Variants in LGI1 observed in about 807,000 individuals in gnomAD.
The protein encoded by LGI1 is leucine rich glioma inactivated 1, also known as leucine-rich glioma-inactivated protein 1.
In LGI1, 11 loss-of-function variants were observed where a neutral mutation model predicts 57.7. That is an observed-to-expected ratio of 0.19 (90% CI 0.12 to 0.32). LGI1 has a LOEUF of 0.32. Ranked by LOEUF, LGI1 falls within the 10% of genes least tolerant of loss-of-function variation. The probability of loss-of-function intolerance (pLI) is 1.00; values close to 1 mark genes in which losing one functional copy is unlikely to be tolerated. For synonymous variants in LGI1, 222 were observed against 241.9 expected (o/e 0.92, Z 0.76); for missense variants, 422 against 661.9 (o/e 0.64, Z 3.98).
intron 4 of LGI1, among the ~76,000 whole-genome samples, chr10:93,778,441 T>C (rs926517404): frequency 2.0e-5 from 3 of 151,998 alleles, no homozygotes; most frequent in African/African-American, 7.2e-5. Context: ...ACACACAGAT[T>C]ATTTTAAGGA....
chr10:93,794,080 AC>A (rs1280643053), intron 7 of LGI1: 3 of 129,994 alleles, frequency 2.3e-5, no homozygotes, highest in Non-Finnish European at 4.6e-5. Flanking sequence ...GTGCAGTGGC[AC>A]AATCTCAGCT....
At chr10:93,792,485 C>G (rs938743355) in intron 5 of LGI1, 1 of 512,178 alleles carries the variant, frequency 2.0e-6, no homozygotes, top group Non-Finnish European at 3.5e-6. Context: ...ATTGACAGCA[C>G]AGCCCTAGAC....
At chr10:93,785,660 T>C (rs1003268602) in intron 4 of LGI1, among the ~76,000 whole-genome samples, 1 of 152,200 alleles carries the variant, frequency 6.6e-6, no homozygotes, top group African/African-American at 2.4e-5. Flanking sequence ...ATAATATTAT[T>C]ATATCATTAC....
intron 4 of LGI1, among the ~76,000 whole-genome samples, chr10:93,779,389 GGAAA>G (rs199839820): frequency 0.044 from 5,938 of 134,676 alleles, 444 homozygotes; most frequent in African/African-American, 0.15. Context: ...AAGGAGGGAA[GGAAA>G]GAAAGAAGGA....
chr10:93,760,216 A>T (rs2059608440), intron 2 of LGI1, among the ~76,000 whole-genome samples: 1 of 152,214 alleles, frequency 6.6e-6, no homozygotes, highest in South Asian at 2.1e-4. Flanking sequence ...TTAGCAATTG[A>T]CTAGATATTC....
intron 2 of LGI1, chr10:93,764,616 C>T (rs975434853): frequency 6.6e-6 from 1 of 152,072 alleles, no homozygotes; most frequent in Non-Finnish European, 1.5e-5. Context: ...GGTTCAAATC[C>T]CCACTCTGCT....
chr10:93,778,270 T>G (rs74150345), intron 4 of LGI1, among the ~76,000 whole-genome samples: 5,199 of 151,796 alleles, frequency 0.034, 315 homozygotes, highest in African/African-American at 0.12. Flanking sequence ...CGTGGGCAGG[T>G]TGAGAAACCC....
chr10:93,790,373 T>C, intron 5 of LGI1: 1 of 570,838 alleles, frequency 1.8e-6, no homozygotes, highest in Non-Finnish European at 3.0e-6. Flanking sequence ...GAATTCTGAA[T>C]ACATGGCACC....
At chr10:93,764,418 AT>A (rs2059653543) in intron 2 of LGI1, 1 of 152,048 alleles carries the variant, frequency 6.6e-6, no homozygotes, top group Non-Finnish European at 1.5e-5. Flanking sequence ...AAGCATTCTC[AT>A]TTTGTTCAAA....
rs374811675 is a variant in LGI1 at position 93,792,899 on chromosome 10, T to C, written c.660T>C (p.Asp220=). The change falls in exon 6 of 8, where the codon GAT becomes GAC. Residue 220 remains aspartate, a synonymous_variant. Coordinates refer to ENST00000371418, the MANE Select transcript of LGI1 (RefSeq NM_005097.4). Reference sequence around the variant, plus strand: ...ATAGTCTCTCCTCGAAGGATTTTGATTGCATCATTACAGGTAATGTACTCA... The same window carrying C: ...ATAGTCTCTCCTCGAAGGATTTTGACTGCATCATTACAGGTAATGTACTCA... ...KINSLSSKDF[D]CIITEFAKSQ... is the part of the protein sequence containing the mutation. The C allele has an allele frequency of 9.3e-6, 15 of 1,613,976 alleles. No individual in the cohort carries two copies. Among genetic ancestry groups the C allele is most frequent in the East Asian group, 6.7e-5 (3 of 44,866 alleles).
rs112632796 is a variant in LGI1 at position 93,778,186 on chromosome 10, G to A, written c.431+569G>A. Among the ~76,000 whole-genome samples, 834 of 152,232 alleles carry A rather than the reference G, an allele frequency of 5.5e-3. 9 individuals are homozygous for A. The highest frequency in any genetic ancestry group is 0.019 in the African/African-American group (797 of 41,520). On this transcript the variant is annotated intron_variant, in intron 4 of 7. Coordinates refer to ENST00000371418, the MANE Select transcript of LGI1 (RefSeq NM_005097.4). ...CTGGGGATGTAAATGGCATCTAGTG[G>A]GTGAAAGGCAGGGATTCTTCTACTG...
intron 4 of LGI1, among the ~76,000 whole-genome samples, chr10:93,784,268 G>A (rs1224863540): frequency 6.6e-6 from 1 of 152,092 alleles, no homozygotes. Context: ...TCCATGCCCT[G>A]GAAAAGCCTG....
At chr10:93,795,561 G>A (rs1441801996) in intron 7 of LGI1, among the ~76,000 whole-genome samples, 1 of 152,078 alleles carries the variant, frequency 6.6e-6, no homozygotes, top group Non-Finnish European at 1.5e-5. Flanking sequence ...AATTTTGGAG[G>A]GACAGAAACA....
intron 4 of LGI1, chr10:93,789,235 G>C (rs1259292023): frequency 6.6e-6 from 1 of 152,180 alleles, no homozygotes; most frequent in East Asian, 1.9e-4. Context: ...GAGAATAGAT[G>C]GATAGGTTTT....
At chr10:93,792,469 G>A in intron 5 of LGI1, 2 of 466,928 alleles carry the variant, frequency 4.3e-6, no homozygotes, top group South Asian at 2.9e-5. Flanking sequence ...TTCATATACT[G>A]TTTCTATTGA....
chr10:93,797,096 G>T lies in LGI1; in HGVS notation c.967G>T (p.Asp323Tyr). The change falls in exon 8 of 8, where the codon GAT (aspartate) becomes TAT (tyrosine). Residue 323 changes from aspartate to tyrosine, a missense_variant. Transcript: ENST00000371418. This position sits in a 1 kb window ranked among gnomAD's most constrained non-coding sequence, Gnocchi z 6.5. ...SFANKFIKIQDIEILKIRKPN... is the reference protein window; with the variant it reads ...SFANKFIKIQYIEILKIRKPN... Reference sequence around the variant, plus strand: ...TGCAAATAAATTCATAAAAATCCAGGATATTGAAATTCTCAAAATCCGAAA... The same window carrying T: ...TGCAAATAAATTCATAAAAATCCAGTATATTGAAATTCTCAAAATCCGAAA... 6.2e-7 allele frequency: 1 copy of T among 1,613,272 alleles called. No homozygotes were observed. Among genetic ancestry groups the T allele is most frequent in the Non-Finnish European group, 8.5e-7 (1 of 1,179,544 alleles).
intron 2 of LGI1, chr10:93,768,331 T>A (rs751370438): frequency 4.6e-5 from 7 of 152,188 alleles, no homozygotes; most frequent in Non-Finnish European, 7.3e-5. Context: ...GAGCCTGGAA[T>A]CCCAGCTCTG....
intron 4 of LGI1, among the ~76,000 whole-genome samples, chr10:93,779,207 CACAT>C (rs1223293947): frequency 2.0e-5 from 3 of 151,184 alleles, no homozygotes; most frequent in African/African-American, 7.4e-5. Flanking sequence ...CCACTAGATT[CACAT>C]ACATCCCAAT....
chr10:93,776,952 C>T (rs11187663), intron 2 of LGI1: 1 of 232,346 alleles, frequency 4.3e-6, no homozygotes, highest in African/African-American at 2.3e-5. Context: ...ATGCAGCTTA[C>T]TTTTTTTTAG....
Sources: allele counts gnomAD v4.1 joint callset (sites outside exome capture counted in the v4.1 genomes callset), GRCh38; gene constraint gnomAD v4.1.1; non-coding constraint Gnocchi (gnomAD v3.1); transcripts MANE v1.5; gene names NCBI Gene and HGNC (gene_info 2026-07-23, HGNC 2026-07-21).